The following CTNNA3 variants were observed in gnomAD, a reference collection of about 807,000 sequenced individuals.
CTNNA3 encodes catenin alpha 3, also known as catenin alpha-3.
Under a neutral mutation model 95.7 loss-of-function variants are expected in CTNNA3, and 76 were observed. The observed-to-expected ratio is 0.79, with a 90% CI of 0.66 to 0.96. CTNNA3 has a LOEUF of 0.96. CTNNA3 is among the 40% of genes least tolerant of loss of function. CTNNA3 has a pLI of 0.00. For synonymous variants in CTNNA3, 431 were observed against 374.4 expected, an observed-to-expected ratio of 1.15 and a Z score of -1.74; for missense variants, 1,191 against 1,089.8, an observed-to-expected ratio of 1.09 and a Z score of -1.31.
At chr10:67,740,425 T>C (rs1156321498) in intron 1 of CTNNA3, among the ~76,000 whole-genome samples, 1 of 151,194 alleles carries the variant, frequency 6.6e-6, no homozygotes, top group Non-Finnish European at 1.5e-5. Flanking sequence ...AAAGGGCTAA[T>C]ATCCAGAACC....
intron 9 of CTNNA3, among the ~76,000 whole-genome samples, chr10:66,725,456 AG>A (rs1461373323): frequency 2.6e-5 from 4 of 152,164 alleles, no homozygotes; most frequent in African/African-American, 9.6e-5. Context: ...AAGGAGGTTA[AG>A]ACCAGGTATC....
intron 7 of CTNNA3, among the ~76,000 whole-genome samples, chr10:66,997,936 G>C (rs939748652): frequency 6.6e-6 from 1 of 152,042 alleles, no homozygotes; most frequent in African/African-American, 2.4e-5. Context: ...AAATCTATTT[G>C]TTCCTCTTCA....
chr10:66,344,131 G>A (rs1343237954), intron 12 of CTNNA3, among the ~76,000 whole-genome samples: 3 of 149,960 alleles, frequency 2.0e-5, no homozygotes, highest in East Asian at 4.1e-4. Flanking sequence ...GGAGGCTGAG[G>A]CAGGAGAATC....
intron 7 of CTNNA3, among the ~76,000 whole-genome samples, chr10:66,899,741 C>T (rs750517716): frequency 1.2e-4 from 18 of 152,138 alleles, no homozygotes; most frequent in Non-Finnish European, 1.6e-4. Flanking sequence ...TAGAGCCTTG[C>T]TCACTGCTAG....
intron 7 of CTNNA3, among the ~76,000 whole-genome samples, chr10:66,813,231 C>T (rs1841949854): frequency 6.6e-6 from 1 of 152,220 alleles, no homozygotes; most frequent in Admixed American, 6.5e-5. Flanking sequence ...ACAGCCTTCT[C>T]TGCAAAATCC....
At chr10:67,630,231 G>A (rs1839097555) in intron 2 of CTNNA3, among the ~76,000 whole-genome samples, 1 of 152,182 alleles carries the variant, frequency 6.6e-6, no homozygotes, top group Non-Finnish European at 1.5e-5. Context: ...TATTCCCATT[G>A]TCCTCTGGGC....
intron 11 of CTNNA3, among the ~76,000 whole-genome samples, chr10:66,482,626 T>A (rs987761864): frequency 6.6e-6 from 1 of 152,144 alleles, no homozygotes; most frequent in African/African-American, 2.4e-5. Context: ...CTGTATACGA[T>A]TGCTTTTTTT....
intron 3 of CTNNA3, among the ~76,000 whole-genome samples, chr10:67,558,399 G>A (rs962607737): frequency 6.6e-6 from 1 of 152,116 alleles, no homozygotes; most frequent in African/African-American, 2.4e-5. Flanking sequence ...TTAAAAATAG[G>A]CTTTTAATAT....
intron 15 of CTNNA3, among the ~76,000 whole-genome samples, chr10:66,000,122 G>A (rs1028268444): frequency 1.3e-5 from 2 of 152,106 alleles, no homozygotes; most frequent in Non-Finnish European, 2.9e-5. Flanking sequence ...GGGTTAGAAA[G>A]TATAATGAAA....
intron 13 of CTNNA3, among the ~76,000 whole-genome samples, chr10:66,169,400 G>A (rs2085303236): frequency 1.3e-5 from 2 of 151,978 alleles, no homozygotes; most frequent in South Asian, 2.1e-4. Context: ...GTATATAATA[G>A]TTTCTTTATC....
intron 11 of CTNNA3, among the ~76,000 whole-genome samples, chr10:66,517,363 C>T (rs919931742): frequency 3.9e-5 from 6 of 152,036 alleles, no homozygotes; most frequent in African/African-American, 1.4e-4. Flanking sequence ...CATTCTAAGT[C>T]ACAGGATGAG....
intron 5 of CTNNA3, among the ~76,000 whole-genome samples, chr10:67,233,285 A>G (rs1865307204): frequency 6.6e-6 from 1 of 151,902 alleles, no homozygotes. Context: ...AGCAAATGTA[A>G]AAGAACAGAA....
At chr10:66,151,011 C>T (rs531251159) in intron 13 of CTNNA3, among the ~76,000 whole-genome samples, 29 of 151,976 alleles carry the variant, frequency 1.9e-4, no homozygotes, top group South Asian at 6.2e-4. Context: ...ATTTCTCTTA[C>T]GAAGTATAAA....
Position 66,331,195 on chromosome 10 carries a change from T to G in CTNNA3, c.1732+47957A>C. 1.3e-5 allele frequency among the ~76,000 whole-genome samples: 2 copies of G among 151,976 alleles called. 1 individual carries two copies. Among genetic ancestry groups the G allele is most frequent in the Non-Finnish European group, 2.9e-5 (2 of 67,960 alleles). On this transcript the variant is annotated intron_variant, in intron 12 of 17. Coordinates refer to ENST00000433211, the MANE Select transcript of CTNNA3 (RefSeq NM_013266.4). ...GGTTTTCTTCTAGGGTTTTTATGGT[T>G]TTAGGTCTAACGTTTAAGTTTTTAA...
chr10:67,393,911 C>T (rs1288212209), intron 5 of CTNNA3, among the ~76,000 whole-genome samples: 2 of 152,118 alleles, frequency 1.3e-5, no homozygotes, highest in African/African-American at 4.8e-5. Flanking sequence ...ACTAGCACAG[C>T]TCAATTCAGG....
chr10:66,354,301 AG>A (rs1589130672), intron 12 of CTNNA3, among the ~76,000 whole-genome samples: 1 of 131,012 alleles, frequency 7.6e-6, no homozygotes, highest in Admixed American at 8.7e-5. Flanking sequence ...AAAAAAAAAA[AG>A]TCTATGAACA....
At chr10:67,267,749 T>G (rs1866888143) in intron 5 of CTNNA3, among the ~76,000 whole-genome samples, 1 of 152,224 alleles carries the variant, frequency 6.6e-6, no homozygotes, top group African/African-American at 2.4e-5. Flanking sequence ...AATTAAAAGA[T>G]TTAAAATAGT....
At chr10:66,652,424 C>T (rs1213388069) in intron 9 of CTNNA3, among the ~76,000 whole-genome samples, 2 of 151,662 alleles carry the variant, frequency 1.3e-5, no homozygotes, top group African/African-American at 2.4e-5. Context: ...GAGATATCAC[C>T]CACCCAGATT....
intron 1 of CTNNA3, among the ~76,000 whole-genome samples, chr10:67,703,854 C>T (rs1841060577): frequency 6.6e-6 from 1 of 152,200 alleles, no homozygotes; most frequent in Non-Finnish European, 1.5e-5. Flanking sequence ...TTGCAGATGA[C>T]ATGATTGTAT....
Sources: gnomAD v4.1 joint callset for allele counts (sites outside exome capture counted in the v4.1 genomes callset) on GRCh38, gnomAD v4.1.1 for gene constraint, MANE v1.5 for transcripts, NCBI Gene and HGNC (gene_info 2026-07-23, HGNC 2026-07-21) for gene names.